The following AACS variants were observed in gnomAD, a reference collection of about 807,000 sequenced individuals.
The protein encoded by AACS is acetoacetyl-CoA synthetase, also known as acetoacetate-CoA ligase.
In AACS, 69 loss-of-function variants were observed where a neutral mutation model predicts 83.1. The observed-to-expected ratio is 0.83, with a 90% CI of 0.68 to 1.01. The LOEUF is 1.01. Ranked by LOEUF, AACS falls within the 50% of genes least tolerant of loss-of-function variation. AACS has a pLI of 0.00. For missense variants in AACS, 866 were observed against 882.2 expected, an observed-to-expected ratio of 0.98 and a Z score of 0.23; for synonymous variants, 333 against 343.4, an observed-to-expected ratio of 0.97 and a Z score of 0.33.
At chr12:125,141,554 GGGCGTGGT>G in intron 17 of AACS, 1 of 152,722 alleles carries the variant, frequency 6.5e-6, no homozygotes, top group Non-Finnish European at 1.5e-5. Context: ...AAAATTAGCT[GGGCGTGGT>G]GGCAGGTGCC....
intron 5 of AACS, among the ~76,000 whole-genome samples, chr12:125,095,428 A>G (rs1258178544): frequency 6.6e-6 from 1 of 151,998 alleles, no homozygotes; most frequent in African/African-American, 2.4e-5. Context: ...CAGTCCTTTC[A>G]CCTTGAGATC....
At chr12:125,101,653 A>G (rs911935786) in intron 5 of AACS, 3 of 151,110 alleles carry the variant, frequency 2.0e-5, no homozygotes, top group African/African-American at 2.4e-5. Flanking sequence ...CACACACTCT[A>G]TACTCTTCAT....
At chr12:125,123,710 T>G (rs1957194636) in intron 10 of AACS, 1 of 152,262 alleles carries the variant, frequency 6.6e-6, no homozygotes, top group African/African-American at 2.4e-5. Flanking sequence ...ACTGAGGTTC[T>G]ACTGCCCAGA....
intron 12 of AACS, 81 bp from the exon 13 acceptor site, chr12:125,128,080 C>T (rs1957273584): frequency 7.7e-6 from 8 of 1,039,058 alleles, no homozygotes; most frequent in Non-Finnish European, 1.1e-5. Flanking sequence ...CTCTTGGCAC[C>T]TTCTCCTTTG....
chr12:125,097,433 TA>T lies in AACS; in HGVS notation c.571-5229del, dbSNP rs35791342. On this transcript the variant is annotated intron_variant, in intron 5 of 17. Coordinates refer to ENST00000316519, the MANE Select transcript of AACS (RefSeq NM_023928.5). The surrounding 1 kb of genome is among the most constrained non-coding windows in gnomAD (Gnocchi z 4.3). ...TGCTGAAGTTGGCCAATGTTTTACTTAAAAAAAAAAAAAAAAAGTGCGTTGG... is the reference window on the plus strand; with the variant it reads ...TGCTGAAGTTGGCCAATGTTTTACTTAAAAAAAAAAAAAAAAGTGCGTTGG... Among the ~76,000 whole-genome samples, 4,685 of 136,032 alleles carry T rather than the reference TA, an allele frequency of 0.034. 172 individuals carry two copies. The highest frequency in any genetic ancestry group is 0.098 in the African/African-American group (3,582 of 36,476). 89.2% of individuals were successfully genotyped at this position (136,032 alleles called of 152,430 possible). A position where few individuals can be genotyped will look rare whatever the true frequency, so the allele number is the denominator to read the frequency against.
intron 14 of AACS, among the ~76,000 whole-genome samples, chr12:125,132,854 C>G (rs1335382545): frequency 6.6e-6 from 1 of 152,108 alleles, no homozygotes. Context: ...CACATAAATG[C>G]GTGAGTAGAC....
At chr12:125,076,279 C>T (rs758579176) in intron 2 of AACS, among the ~76,000 whole-genome samples, 18 of 152,244 alleles carry the variant, frequency 1.2e-4, no homozygotes, top group African/African-American at 3.1e-4. Flanking sequence ...GGTTGTTTTC[C>T]GTTGGCATTA....
At chr12:125,122,913 A>G (rs544631841) in intron 10 of AACS, 1 of 152,352 alleles carries the variant, frequency 6.6e-6, no homozygotes, top group Admixed American at 6.5e-5. Context: ...AAGACGTGGC[A>G]TGAGTGCCCG....
At chr12:125,082,945 T>C (rs1956231826) in intron 3 of AACS, among the ~76,000 whole-genome samples, 1 of 152,262 alleles carries the variant, frequency 6.6e-6, no homozygotes, top group African/African-American at 2.4e-5. Context: ...ACTTCTATAC[T>C]GTAGAAATTA....
intron 10 of AACS, among the ~76,000 whole-genome samples, chr12:125,119,573 G>C (rs943194020): frequency 1.3e-5 from 2 of 152,220 alleles, no homozygotes; most frequent in Non-Finnish European, 2.9e-5. Flanking sequence ...GCAAGAGAGC[G>C]TGTGCAGGAG....
chr12:125,140,583 G>A lies in AACS; in HGVS notation c.1882-1509G>A, dbSNP rs1318310041. 1.3e-5 allele frequency: 2 copies of A among 151,526 alleles called. No individual in the cohort carries two copies. The highest frequency in any genetic ancestry group is 2.9e-5 in the Non-Finnish European group (2 of 67,952). The allele number at this position is 151,526 out of a possible 1,614,324, so 9.4% of individuals were successfully genotyped here. A position where few individuals can be genotyped will look rare whatever the true frequency, so the allele number is the denominator to read the frequency against. The stretch of plus-strand genomic sequence containing the variant: ...TCACACGTCGACTGAATTTTCAAGT[G>A]AATGAATTTTAATTACATCTCAGGT... On this transcript the variant is annotated intron_variant, in intron 17 of 17. Coordinates refer to ENST00000316519, the MANE Select transcript of AACS (RefSeq NM_023928.5). This position sits in a 1 kb window ranked among gnomAD's most constrained non-coding sequence, Gnocchi z 5.1.
chr12:125,129,212 C>G lies in AACS; in HGVS notation c.1424-123C>G, dbSNP rs1957290883. On this transcript the variant is annotated intron_variant, in intron 13 of 17. Transcript: ENST00000316519. This position sits in a 1 kb window ranked among gnomAD's most constrained non-coding sequence, Gnocchi z 4.3. ...TGACAGGTGTGTGGGCGTGGACCAT[C>G]TCTGTACCTTTGTATATGTCTGGAA... 8 of 1,386,744 alleles carry G rather than the reference C, an allele frequency of 5.8e-6. No individual in the cohort carries two copies. The South Asian group carries it at 1.2e-4, about 21-fold the overall frequency. The allele number at this position is 1,386,744 out of a possible 1,614,324, so 85.9% of individuals were successfully genotyped here.
chr12:125,076,519 A>G lies in AACS; in HGVS notation c.266A>G (p.Asp89Gly). ...GTGGACACATCGAAAGGAATCGCAG[A>G]TGTCCCCGAGTGGTTCAAAGGCAGT... The part of the protein sequence containing the change: ...EVVDTSKGIA[D>G]VPEWFKGSRL... Residue 89 changes from aspartate (D) to glycine (G), a missense_variant, in exon 3 of 18, where the codon GAT becomes GGT. Coordinates refer to ENST00000316519, the MANE Select transcript of AACS (RefSeq NM_023928.5). 4 of 1,614,180 alleles carry G rather than the reference A, an allele frequency of 2.5e-6. No individual in the cohort carries two copies. The South Asian group carries it at 4.4e-5, about 18-fold the overall frequency.
chr12:125,142,227 T>A lies in AACS; in HGVS notation c.2017T>A (p.Ter673ArgextTer31), dbSNP rs1957511982. 6.2e-7 allele frequency: 1 copy of A among 1,613,530 alleles called. No individual in the cohort carries two copies. The highest frequency in any genetic ancestry group is 8.5e-7 in the Non-Finnish European group (1 of 1,179,684). The change falls in exon 18 of 18, where the codon TGA becomes AGA. Residue 673 changes from the stop codon to arginine (R), a stop_lost. Coordinates refer to ENST00000316519, the MANE Select transcript of AACS (RefSeq NM_023928.5). ...GGACATCCCTGAGCTGCAGGGCTTC[T>A]GAGTCAGACTGGCTGGCGTGTCACT... is the stretch of plus-strand genomic sequence containing the variant. ...YRDIPELQGF* is the reference protein window; with the variant it reads ...YRDIPELQGFR
At position 125,078,386 on chromosome 12, in the gene AACS, CT is replaced by C. The variant is rs1446265303; in HGVS notation, c.358+1776del. The C allele has an allele frequency of 6.6e-6, 3 of 452,720 alleles. No individual in the cohort carries two copies. In the Admixed American group the frequency reaches 7.1e-5, roughly 11 times the overall value. The allele number at this position is 452,720 out of a possible 1,614,324, so 28.0% of individuals were successfully genotyped here. A position where few individuals can be genotyped will look rare whatever the true frequency, so the allele number is the denominator to read the frequency against. The stretch of plus-strand genomic sequence containing the variant: ...TATGGGGCTGGTCAGTGTTCCATTG[CT>C]GTTTTCCTTGGTTCTCAGCCTTGAC... On this transcript the variant is annotated intron_variant, in intron 3 of 17. Coordinates refer to ENST00000316519, the MANE Select transcript of AACS (RefSeq NM_023928.5).
At chr12:125,085,041 A>G (rs77887923) in intron 3 of AACS, among the ~76,000 whole-genome samples, 4,086 of 152,150 alleles carry the variant, frequency 0.027, 200 homozygotes, top group African/African-American at 0.092. Context: ...TGGCAGAATT[A>G]TAGAGCTAGA....
chr12:125,102,688 G>A lies in AACS; in HGVS notation c.580G>A (p.Asp194Asn). ...TTCCTCCTGCTTTCAGGGTGTGCTG[G>A]ACCGGTTTTCTCAAATTCAGCCAAA... The part of the protein sequence containing the change: ...SPDFGVNGVL[D>N]RFSQIQPKLI... Residue 194 changes from aspartate to asparagine, a missense_variant, in exon 6 of 18, where the codon GAC (aspartate) becomes AAC (asparagine). Asp to Asn is a conservative substitution (Grantham distance 23). Transcript: ENST00000316519. 3.7e-6 allele frequency: 6 copies of A among 1,613,954 alleles called. No homozygotes were observed. Among genetic ancestry groups the A allele is most frequent in the Non-Finnish European group, 5.1e-6 (6 of 1,179,928 alleles).
Position 125,116,854 on chromosome 12 carries a change from T to TCCCTTCCTTC in AACS, c.997-1777_997-1768dup, listed in dbSNP as rs1441002508. Among the ~76,000 whole-genome samples the TCCCTTCCTTC allele has an allele frequency of 4.6e-4, 15 of 32,918 alleles. No homozygotes were observed. In the East Asian group the frequency reaches 7.8e-3, roughly 17 times the overall value. 21.6% of individuals were successfully genotyped at this position (32,918 alleles called of 152,430 possible). On this transcript the variant is annotated intron_variant, in intron 9 of 17. Transcript: ENST00000316519. ...AGGCTATACTGTGACCCACCCTCCC[T>TCCCTTCCTTC]CCCTTCCTTCCCCTTCCTTTCCCTC...
At chr12:125,091,645 CG>C in intron 5 of AACS, 122 bp downstream of exon 5, 1 of 961,096 alleles carries the variant, frequency 1.0e-6, no homozygotes, top group Non-Finnish European at 1.6e-6. Context: ...GAGGAGGTGG[CG>C]TTGCAGCTGC....
Sources: gnomAD v4.1 joint callset for allele counts (sites outside exome capture counted in the v4.1 genomes callset) on GRCh38, gnomAD v4.1.1 for gene constraint, Gnocchi (gnomAD v3.1) non-coding constraint, MANE v1.5 for transcripts, NCBI Gene and HGNC (gene_info 2026-07-23, HGNC 2026-07-21) for gene names.